Variants in NFIC observed in about 807,000 individuals in gnomAD.
NFIC encodes nuclear factor 1 C-type.
Under a neutral mutation model 54.4 loss-of-function variants are expected in NFIC, and 12 were observed. That is an observed-to-expected ratio of 0.22 (90% confidence interval 0.14 to 0.36). NFIC has a LOEUF of 0.36. Among genes scored for constraint, NFIC ranks in the 10% least tolerant of loss-of-function variants. The pLI, the probability that NFIC is intolerant of heterozygous loss-of-function variation, is 1.00. For synonymous variants in NFIC, 322 were observed against 319.2 expected, an observed-to-expected ratio of 1.01 and a Z score of -0.09; for missense variants, 575 against 718.2, an observed-to-expected ratio of 0.80 and a Z score of 2.28.
chr19:3,404,141 C>G (rs555937058), intron 2 of NFIC, among the ~76,000 whole-genome samples: 1 of 152,258 alleles, frequency 6.6e-6, no homozygotes, highest in East Asian at 1.9e-4. Flanking sequence ...CCCTTCTCCC[C>G]CCCCCGTCAC....
Position 3,429,231 on chromosome 19 carries a change from CAA to C in NFIC, c.634+4070_634+4071del, listed in dbSNP as rs367681612. 1.5e-3 allele frequency among the ~76,000 whole-genome samples: 55 copies of C among 36,740 alleles called. 3 individuals carry two copies. The highest frequency in any genetic ancestry group is 2.6e-3 in the African/African-American group (22 of 8,320). The allele number at this position is 36,740 out of a possible 152,430, so 24.1% of individuals were successfully genotyped here. A position where few individuals can be genotyped will look rare whatever the true frequency, so the allele number is the denominator to read the frequency against. On this transcript the variant is annotated intron_variant, in intron 3 of 10. Coordinates refer to ENST00000443272, the MANE Select transcript of NFIC (RefSeq NM_001245002.2). ...ATATAGCAAGACCCTATCTCTACCC[CAA>C]AAAAAAAAAAAAAAATATATACACA...
At chr19:3,398,560 G>A (rs1287285544) in intron 2 of NFIC, among the ~76,000 whole-genome samples, 3 of 152,056 alleles carry the variant, frequency 2.0e-5, no homozygotes, top group African/African-American at 4.8e-5. Context: ...ACCTTCTTCT[G>A]CCTGGGAGGG....
intron 6 of NFIC, among the ~76,000 whole-genome samples, chr19:3,436,313 T>A (rs796937180): frequency 8.6e-4 from 34 of 39,694 alleles, no homozygotes; most frequent in African/African-American, 5.6e-3. Flanking sequence ...CCGTTAATTT[T>A]TTTTTTTTTT....
At position 3,463,851 on chromosome 19, in the gene NFIC, C is replaced by A; in HGVS notation, c.*1082C>A. The A allele has an allele frequency of 1.0e-6, 1 of 983,806 alleles. No homozygotes were observed. The highest frequency in any genetic ancestry group is 1.2e-6 in the Non-Finnish European group (1 of 829,326). The allele number at this position is 983,806 out of a possible 1,614,324, so 60.9% of individuals were successfully genotyped here. ...GAGTGGTTTAAGTGCCTGATTACCA[C>A]CACCCGCCCCCCCCTTTGTCCAGCT... On this transcript the variant is annotated 3_prime_UTR_variant, in exon 11 of 11. Coordinates refer to ENST00000443272, the MANE Select transcript of NFIC (RefSeq NM_001245002.2).
intron 6 of NFIC, among the ~76,000 whole-genome samples, 156 bp from the exon 7 acceptor site, chr19:3,448,856 CTG>C (rs2082411693): frequency 6.6e-6 from 1 of 152,172 alleles, no homozygotes; most frequent in Non-Finnish European, 1.5e-5. Context: ...GTTTACTCCT[CTG>C]TGTAATGGGC....
chr19:3,452,359 G>T lies in NFIC; in HGVS notation c.1085-123G>T. The T allele has an allele frequency of 1.1e-5, 15 of 1,311,938 alleles. No homozygotes were observed. The highest frequency in any genetic ancestry group is 8.1e-5 in the South Asian group (6 of 73,898). 81.3% of individuals were successfully genotyped at this position (1,311,938 alleles called of 1,614,324 possible). On this transcript the variant is annotated intron_variant, in intron 7 of 10. Coordinates refer to ENST00000443272, the MANE Select transcript of NFIC (RefSeq NM_001245002.2). The surrounding 1 kb of genome is among the most constrained non-coding windows in gnomAD (Gnocchi z 5.3). Reference sequence around the variant, plus strand: ...TCAGTGCTGCTGGGTTTTTTTGGTGGTTATTGTTACTAAACGCACTGAGAT... The same window carrying T: ...TCAGTGCTGCTGGGTTTTTTTGGTGTTTATTGTTACTAAACGCACTGAGAT...
At chr19:3,374,834 T>G (rs2081077812) in intron 1 of NFIC, among the ~76,000 whole-genome samples, 1 of 152,166 alleles carries the variant, frequency 6.6e-6, no homozygotes, top group Non-Finnish European at 1.5e-5. Context: ...AACCAGGCCC[T>G]GCCTCTCACG....
intron 2 of NFIC, chr19:3,410,965 C>G (rs1352555103): frequency 2.0e-5 from 3 of 152,138 alleles, no homozygotes; most frequent in Non-Finnish European, 4.4e-5. Context: ...ACCCCAAAAT[C>G]AGACAAGCCT....
chr19:3,385,837 G>A (rs902986271), intron 2 of NFIC, among the ~76,000 whole-genome samples: 5 of 151,950 alleles, frequency 3.3e-5, no homozygotes, highest in African/African-American at 9.7e-5. Flanking sequence ...CTCCCAAAGT[G>A]CTGGGATTAC....
At chr19:3,362,106 A>G (rs953878894), upstream of NFIC, among the ~76,000 whole-genome samples, 4 of 152,192 alleles carry the variant, frequency 2.6e-5, no homozygotes, top group Non-Finnish European at 4.4e-5. Context: ...GCCCAGCTCC[A>G]GGCAGAGCTG....
chr19:3,363,238 T>TGTGTGTGTGC (rs1237685097), upstream of NFIC, among the ~76,000 whole-genome samples: 36 of 64,604 alleles, frequency 5.6e-4, no homozygotes, highest in Non-Finnish European at 7.1e-4. Context: ...TGTGTATGTG[T>TGTGTGTGTGC]GTGTATATAT....
chr19:3,363,227 A>ATGTGTGTGTGTGTGTGTG (rs1236874934), upstream of NFIC, among the ~76,000 whole-genome samples: 19 of 45,156 alleles, frequency 4.2e-4, no homozygotes, highest in South Asian at 6.9e-4. Flanking sequence ...ATGTATATGT[A>ATGTGTGTGTGTGTGTGTG]TGTGTATGTG....
At chr19:3,361,411 T>A (rs1272228324) in intron 1 of NFIC, among the ~76,000 whole-genome samples, 2 of 152,114 alleles carry the variant, frequency 1.3e-5, no homozygotes, top group Non-Finnish European at 2.9e-5. Context: ...CAGTCCCGCC[T>A]CCAGCACTTG....
Position 3,366,647 on chromosome 19 carries a change from C to T in NFIC, c.11C>T (p.Ser4Phe). 6.7e-7 allele frequency: 1 copy of T among 1,491,846 alleles called. No individual in the cohort carries two copies. The highest frequency in any genetic ancestry group is 2.7e-5 in the East Asian group (1 of 36,646). The allele number at this position is 1,491,846 out of a possible 1,614,324, so 92.4% of individuals were successfully genotyped here. MYS[S>F]PLCLTQDEFH... ...CCCGCCGCGCCCGGGATGTATTCGTCCCCGCTCTGCCTCACCCAGGTACGG... is the reference window on the plus strand; with the variant it reads ...CCCGCCGCGCCCGGGATGTATTCGTTCCCGCTCTGCCTCACCCAGGTACGG... The change falls in exon 1 of 11, where the codon TCC (serine) becomes TTC (phenylalanine). Residue 4 changes from serine to phenylalanine, a missense_variant. Physicochemically the swap from Ser to Phe is radical, Grantham distance 155 (BLOSUM62 -2). Coordinates refer to ENST00000443272, the MANE Select transcript of NFIC (RefSeq NM_001245002.2).
At position 3,450,725 on chromosome 19, in the gene NFIC, T is replaced by A. The variant is rs114802642; in HGVS notation, c.1084+1586T>A. 8.7e-3 allele frequency among the ~76,000 whole-genome samples: 1,320 copies of A among 152,284 alleles called. 15 individuals are homozygous for A. Among genetic ancestry groups the A allele is most frequent in the African/African-American group, 0.03 (1,246 of 41,536 alleles). ...GCCATTGGGATTAAGGGGGGTGAAT[T>A]GTAGGAAGCCTCAAATATTGCTTAC... On this transcript the variant is annotated intron_variant, in intron 7 of 10. Transcript: ENST00000443272.
chr19:3,467,791 T>TATATATATATATATATATATATATATAAC lies in NFIC; in HGVS notation c.*5022_*5023insATATATATATATATATATATATATATAAC, dbSNP rs2082737846. Reference sequence around the variant, plus strand: ...TATATATATATATATATATATATAATTTTGGAATTTGTTTCTCATAATACA... The same window carrying TATATATATATATATATATATATATATAAC: ...TATATATATATATATATATATATAATATATATATATATATATATATATATATAACTTTGGAATTTGTTTCTCATAATACA... On this transcript the variant is annotated 3_prime_UTR_variant, in exon 11 of 11. Transcript: ENST00000443272. The TATATATATATATATATATATATATATAAC allele has an allele frequency of 1.9e-5, 1 of 53,934 alleles. No homozygotes were observed. Among genetic ancestry groups the TATATATATATATATATATATATATATAAC allele is most frequent in the Admixed American group, 1.7e-4 (1 of 5,902 alleles). 3.3% of individuals were successfully genotyped at this position (53,934 alleles called of 1,614,324 possible).
In NFIC at chr19:3,463,619, G is replaced by GCCCCCCCCCCCC; in HGVS notation, c.*850_*851insCCCCCCCCCCCC. 1 of 305,682 alleles carries GCCCCCCCCCCCC rather than the reference G, an allele frequency of 3.3e-6. No individual in the cohort carries two copies. The highest frequency in any genetic ancestry group is 4.2e-6 in the Non-Finnish European group (1 of 240,412). 18.9% of individuals were successfully genotyped at this position (305,682 alleles called of 1,614,324 possible). On this transcript the variant is annotated 3_prime_UTR_variant, in exon 11 of 11. Coordinates refer to ENST00000443272, the MANE Select transcript of NFIC (RefSeq NM_001245002.2). ...GAGAAGTCTCTATGCAATTGGCCCC[G>GCCCCCCCCCCCC]GCCCCTCCACCCCCCACCCCCGGCA... is the stretch of plus-strand genomic sequence containing the variant.
chr19:3,451,755 C>G (rs1287016472), intron 7 of NFIC, among the ~76,000 whole-genome samples: 7 of 151,714 alleles, frequency 4.6e-5, no homozygotes, highest in Non-Finnish European at 8.8e-5. Context: ...CCATCTGATG[C>G]CGTGTGGCCC....
At chr19:3,422,050 C>A (rs998028199) in intron 2 of NFIC, among the ~76,000 whole-genome samples, 1 of 152,138 alleles carries the variant, frequency 6.6e-6, no homozygotes, top group Non-Finnish European at 1.5e-5. Flanking sequence ...GATTCTCCTG[C>A]CTCAGCCTCC....
Sources: allele counts gnomAD v4.1 joint callset (sites outside exome capture counted in the v4.1 genomes callset), GRCh38; gene constraint gnomAD v4.1.1; non-coding constraint Gnocchi (gnomAD v3.1); transcripts MANE v1.5; gene names NCBI Gene and HGNC (gene_info 2026-07-23, HGNC 2026-07-21).